Variants in ARHGAP8 observed in about 807,000 individuals in gnomAD.
ARHGAP8 encodes Rho GTPase activating protein 8, also known as rho GTPase-activating protein 8.
ARHGAP8 carries 62 observed loss-of-function variants against 46.1 expected under a neutral mutation model. The ratio of observed to expected loss-of-function variants is 1.34; its 90% CI spans 1.10 to 1.66. The LOEUF (loss-of-function observed/expected upper bound fraction) is 1.66, where lower values mean the gene tolerates loss of function less well. Among genes scored for constraint, ARHGAP8 ranks in the 40% most tolerant of loss-of-function variants. The probability of loss-of-function intolerance (pLI) is 0.00; values close to 1 mark genes in which losing one functional copy is unlikely to be tolerated. For synonymous variants in ARHGAP8, 375 were observed against 243.1 expected, an observed-to-expected ratio of 1.54 and a Z score of -5.05; for missense variants, 923 against 568.4, an observed-to-expected ratio of 1.62 and a Z score of -6.34.
At chr22:44,783,447 C>A (rs912889451) in intron 1 of ARHGAP8, among the ~76,000 whole-genome samples, 3 of 152,328 alleles carry the variant, frequency 2.0e-5, no homozygotes, top group Admixed American at 2.0e-4. Flanking sequence ...TCCTGCTCCC[C>A]CTTCTCTGCA....
At chr22:44,782,341 A>G (rs1215877630) in intron 1 of ARHGAP8, among the ~76,000 whole-genome samples, 1 of 152,220 alleles carries the variant, frequency 6.6e-6, no homozygotes, top group Admixed American at 6.5e-5. Flanking sequence ...CATCTCAAAA[A>G]ATAAAAAATA....
chr22:44,797,405 G>C (rs949084405), intron 2 of ARHGAP8, among the ~76,000 whole-genome samples: 1 of 152,154 alleles, frequency 6.6e-6, no homozygotes, highest in Non-Finnish European at 1.5e-5. Context: ...CCTGGCCTCC[G>C]CGGTGGTAGA....
chr22:44,858,536 T>TTTTC (rs1357340693), intron 10 of ARHGAP8, among the ~76,000 whole-genome samples: 1 of 126,744 alleles, frequency 7.9e-6, no homozygotes. Context: ...TACCCGGCTT[T>TTTTC]TTTTTTTTTT....
chr22:44,770,563 G>A (rs1925924899), intron 1 of ARHGAP8, among the ~76,000 whole-genome samples: 1 of 152,074 alleles, frequency 6.6e-6, no homozygotes, highest in Non-Finnish European at 1.5e-5. Flanking sequence ...CTGCCACCAT[G>A]TCTGGCTAAT....
Position 44,849,000 on chromosome 22 carries a change from C to G in ARHGAP8, c.817C>G (p.Arg273Gly), listed in dbSNP as rs549516595. The G allele has an allele frequency of 3.7e-6, 6 of 1,614,072 alleles. No homozygotes were observed. Among genetic ancestry groups the G allele is most frequent in the Non-Finnish European group, 4.2e-6 (5 of 1,180,030 alleles). Residue 273 changes from arginine (R) to glycine (G), a missense_variant, in exon 10 of 12, where the codon CGA (arginine) becomes GGA (glycine). Physicochemically the swap from Arg to Gly is moderately radical, Grantham distance 125. Coordinates refer to ENST00000356099, the MANE Select transcript of ARHGAP8 (RefSeq NM_181335.3). Reference protein sequence around the residue: ...IPAVILKTFLRELPQPLLTFQ... With the variant: ...IPAVILKTFLGELPQPLLTFQ... ...TGCCGTGATCCTGAAGACCTTCCTG[C>G]GAGAGCTGCCCCAGCCGCTTCTGAC...
Position 44,800,375 on chromosome 22 carries a change from G to C in ARHGAP8, c.80-1702G>C, listed in dbSNP as rs140393116. ...CCCGCCTCGGCCTCCCAAAGTACTG[G>C]GATTACAGACATGAGCCACTGCACC... is the stretch of plus-strand genomic sequence containing the variant. On this transcript the variant is annotated intron_variant, in intron 2 of 11. Transcript: ENST00000356099. 9.8e-3 allele frequency among the ~76,000 whole-genome samples: 1,464 copies of C among 150,016 alleles called. 30 individuals carry two copies. Among genetic ancestry groups the C allele is most frequent in the African/African-American group, 0.035 (1,416 of 40,222 alleles).
chr22:44,782,044 C>G (rs1220314007), intron 1 of ARHGAP8, among the ~76,000 whole-genome samples: 1 of 151,964 alleles, frequency 6.6e-6, no homozygotes, highest in Non-Finnish European at 1.5e-5. Context: ...ATTAAATTAA[C>G]CACTTTAGGG....
intron 4 of ARHGAP8, among the ~76,000 whole-genome samples, chr22:44,812,428 C>T (rs908487056): frequency 1.4e-5 from 2 of 147,816 alleles, no homozygotes; most frequent in Non-Finnish European, 3.0e-5. Context: ...GCGATCTTGG[C>T]TCACGGCAAC....
chr22:44,843,014 C>T (rs1398564826), intron 7 of ARHGAP8, among the ~76,000 whole-genome samples: 1 of 152,102 alleles, frequency 6.6e-6, no homozygotes, highest in East Asian at 1.9e-4. Flanking sequence ...TTGTTGATGA[C>T]CTGTGGACTC....
At chr22:44,839,638 G>GT (rs1192216457) in intron 7 of ARHGAP8, among the ~76,000 whole-genome samples, 1 of 152,184 alleles carries the variant, frequency 6.6e-6, no homozygotes, top group African/African-American at 2.4e-5. Context: ...GCCTCTCCTA[G>GT]TGTCGTCCTC....
chr22:44,859,641 C>T (rs764475770), intron 10 of ARHGAP8, 90 bp from the exon 11 acceptor site: 7 of 1,412,422 alleles, frequency 5.0e-6, no homozygotes, highest in South Asian at 2.4e-5. Context: ...CAGAGCTGTC[C>T]TTCCTACACC....
rs138633847 is a variant in ARHGAP8, at chr22:44,859,579, C to T, written c.878-152C>T. 2,409 of 733,120 alleles carry T rather than the reference C, an allele frequency of 3.3e-3. 36 individuals are homozygous for T. Among genetic ancestry groups the T allele is most frequent in the East Asian group, 0.023 (860 of 36,896 alleles). 45.4% of individuals were successfully genotyped at this position (733,120 alleles called of 1,614,324 possible). A position where few individuals can be genotyped will look rare whatever the true frequency, so the allele number is the denominator to read the frequency against. On this transcript the variant is annotated intron_variant, in intron 10 of 11. Transcript: ENST00000356099. Reference sequence around the variant, plus strand: ...CACAGGTTTGCTGAGCAGAGCCATACGGCCAGAAGATAAGTGGGGGTCCCA... The same window carrying T: ...CACAGGTTTGCTGAGCAGAGCCATATGGCCAGAAGATAAGTGGGGGTCCCA...
At chr22:44,861,948 G>A (rs11704103) in intron 11 of ARHGAP8, among the ~76,000 whole-genome samples, 7 of 152,006 alleles carry the variant, frequency 4.6e-5, no homozygotes, top group African/African-American at 7.2e-5. Flanking sequence ...CACCAAGTTC[G>A]TACCGTCTGT....
chr22:44,813,937 C>T (rs539037502), intron 4 of ARHGAP8, among the ~76,000 whole-genome samples: 27 of 152,284 alleles, frequency 1.8e-4, no homozygotes, highest in East Asian at 1.9e-4. Flanking sequence ...GTGGCTCTGG[C>T]GTCCTGCAGG....
At chr22:44,861,255 GAGCCACTGCACCC>G (rs1336469640) in intron 11 of ARHGAP8, among the ~76,000 whole-genome samples, 4 of 152,184 alleles carry the variant, frequency 2.6e-5, no homozygotes, top group Non-Finnish European at 5.9e-5. Context: ...TTACAGGTGT[GAGCCACTGCACCC>G]AGCCTACTTC....
In ARHGAP8 at chr22:44,811,733, C is replaced by T. The variant is rs576515276; in HGVS notation, c.300-2939C>T. On this transcript the variant is annotated intron_variant, in intron 4 of 11. Transcript: ENST00000356099. Reference sequence around the variant, plus strand: ...TGCTCCAAATAGAATTAGATGAGATCGCCTGTAATCCCAGCACTTTGGGAG... The same window carrying T: ...TGCTCCAAATAGAATTAGATGAGATTGCCTGTAATCCCAGCACTTTGGGAG... Among the ~76,000 whole-genome samples the T allele has an allele frequency of 1.1e-4, 16 of 152,192 alleles. 1 individual carries two copies. The South Asian group carries it at 1.9e-3, about 18-fold the overall frequency.
intron 1 of ARHGAP8, among the ~76,000 whole-genome samples, chr22:44,755,438 C>T (rs772691085): frequency 6.6e-5 from 10 of 152,234 alleles, no homozygotes; most frequent in Non-Finnish European, 1.0e-4. Context: ...TTAACTTTTA[C>T]CCCTTGGTCC....
chr22:44,814,847 T>C, intron 5 of ARHGAP8, 89 bp downstream of exon 5: 1 of 1,468,666 alleles, frequency 6.8e-7, no homozygotes, highest in Non-Finnish European at 9.4e-7. Context: ...CCACGCATCA[T>C]GGAGGGCCCG....
chr22:44,854,652 G>A (rs1569182251), intron 10 of ARHGAP8, among the ~76,000 whole-genome samples: 1 of 151,100 alleles, frequency 6.6e-6, no homozygotes, highest in Non-Finnish European at 1.5e-5. Context: ...TTTTGTTTTT[G>A]TGTTGAGATG....
Sources: gnomAD v4.1 joint callset for allele counts (sites outside exome capture counted in the v4.1 genomes callset) on GRCh38, gnomAD v4.1.1 for gene constraint, MANE v1.5 for transcripts, NCBI Gene and HGNC (gene_info 2026-07-23, HGNC 2026-07-21) for gene names.